The following CDH4 variants were observed in gnomAD, a reference collection of about 807,000 sequenced individuals.
CDH4 encodes the protein cadherin 4.
In CDH4, 33 loss-of-function variants were observed where a neutral mutation model predicts 86.0. The observed-to-expected ratio is 0.38, with a 90% CI of 0.29 to 0.51. The LOEUF (loss-of-function observed/expected upper bound fraction) is 0.51. Among genes scored for constraint, CDH4 ranks in the 20% least tolerant of loss-of-function variants. The pLI, the probability that CDH4 is intolerant of heterozygous loss-of-function variation, is 0.86. For synonymous variants in CDH4, 555 were observed against 549.4 expected (o/e 1.01, Z -0.14); for missense variants, 1,114 against 1,307.4 (o/e 0.85, Z 2.28).
At chr20:61,801,661 C>A (rs1024446962) in intron 4 of CDH4, among the ~76,000 whole-genome samples, 2 of 146,314 alleles carry the variant, frequency 1.4e-5, no homozygotes, top group African/African-American at 2.6e-5. Flanking sequence ...CCATCTCCTG[C>A]CCTTTCCCGT....
intron 2 of CDH4, among the ~76,000 whole-genome samples, chr20:61,255,157 T>C (rs1436277525): frequency 6.6e-6 from 1 of 152,222 alleles, no homozygotes; most frequent in Non-Finnish European, 1.5e-5. Flanking sequence ...AATCATTTCC[T>C]GGGCAGCAAA....
At chr20:61,365,831 G>T (rs1227754822) in intron 2 of CDH4, among the ~76,000 whole-genome samples, 2 of 152,196 alleles carry the variant, frequency 1.3e-5, no homozygotes, top group Admixed American at 1.3e-4. Flanking sequence ...AATAGGATTT[G>T]CAGATAGTGT....
chr20:61,801,312 C>T (rs984586707), intron 4 of CDH4, among the ~76,000 whole-genome samples: 10 of 152,102 alleles, frequency 6.6e-5, no homozygotes, highest in Non-Finnish European at 1.5e-5. Flanking sequence ...TGTCCAGCCG[C>T]ATCAGCCAAG....
chr20:61,910,463 C>T lies in CDH4; in HGVS notation c.1230C>T (p.Val410=), dbSNP rs555959239. ...EVPENRVETV[V]ANLTVMDRDQ... is the part of the protein sequence containing the mutation. Reference sequence around the variant, plus strand: ...CCGAAAACCGCGTGGAGACCGTGGTCGCAAACCTCACGGTGATGGACCGAG... The same window carrying T: ...CCGAAAACCGCGTGGAGACCGTGGTTGCAAACCTCACGGTGATGGACCGAG... The change falls in exon 9 of 16, where the codon GTC becomes GTT. Residue 410 remains valine (V), a synonymous_variant. Transcript: ENST00000614565. 41 of 1,613,874 alleles carry T rather than the reference C, an allele frequency of 2.5e-5. No homozygotes were observed. Among genetic ancestry groups the T allele is most frequent in the Admixed American group, 5.0e-5 (3 of 60,024 alleles).
At chr20:61,885,877 T>G (rs1255441560) in intron 7 of CDH4, among the ~76,000 whole-genome samples, 1 of 152,142 alleles carries the variant, frequency 6.6e-6, no homozygotes, top group Non-Finnish European at 1.5e-5. Context: ...GGATGGAGGT[T>G]CCAGCAGTGA....
intron 2 of CDH4, among the ~76,000 whole-genome samples, chr20:61,374,263 G>A (rs2084854987): frequency 6.6e-6 from 1 of 152,156 alleles, no homozygotes; most frequent in African/African-American, 2.4e-5. Context: ...CGTGAAGCTG[G>A]ACCAGGGGCC....
Position 61,829,142 on chromosome 20 carries a change from C to T in CDH4, c.577-15526C>T, listed in dbSNP as rs1981465484. On this transcript the variant is annotated intron_variant, in intron 4 of 15. Transcript: ENST00000614565. This position sits in a 1 kb window ranked among gnomAD's most constrained non-coding sequence, Gnocchi z 4.2. ...CACAGACCGGTACCGGGTTGGGGAC[C>T]CTGCTTTAAGCAGTCGCTTCTCCTT... Among the ~76,000 whole-genome samples the T allele has an allele frequency of 6.6e-6, 1 of 152,214 alleles. No individual in the cohort carries two copies. Among genetic ancestry groups the T allele is most frequent in the Non-Finnish European group, 1.5e-5 (1 of 68,038 alleles).
In CDH4 at chr20:61,811,813, A is replaced by G. The variant is rs1181956367; in HGVS notation, c.577-32855A>G. The stretch of plus-strand genomic sequence containing the variant: ...CAGCCTCCCATGTAGCTGGTACTAC[A>G]GGCACACGTCACCATGCCCGGTTAA... On this transcript the variant is annotated intron_variant, in intron 4 of 15. Transcript: ENST00000614565. The surrounding 1 kb of genome is among the most constrained non-coding windows in gnomAD (Gnocchi z 4.4). Among the ~76,000 whole-genome samples the G allele has an allele frequency of 6.6e-6, 1 of 151,746 alleles. No homozygotes were observed. The highest frequency in any genetic ancestry group is 2.4e-5 in the African/African-American group (1 of 41,284).
chr20:61,662,872 C>T (rs938170999), intron 2 of CDH4, among the ~76,000 whole-genome samples: 4 of 150,894 alleles, frequency 2.7e-5, no homozygotes, highest in Non-Finnish European at 4.4e-5. Context: ...AGGGTAGAGC[C>T]GGTGGTGCAG....
chr20:61,883,955 G>A (rs1164726174), intron 7 of CDH4, among the ~76,000 whole-genome samples: 1 of 152,178 alleles, frequency 6.6e-6, no homozygotes, highest in Non-Finnish European at 1.5e-5. Context: ...CCCCCGTGTG[G>A]TGGGTTTTGT....
chr20:61,755,962 C>G (rs534820858), intron 3 of CDH4, among the ~76,000 whole-genome samples: 2 of 152,324 alleles, frequency 1.3e-5, no homozygotes, highest in East Asian at 3.9e-4. Context: ...ATGCGGCCAC[C>G]CAACTGCATC....
At chr20:61,863,311 C>T (rs532506103) in intron 6 of CDH4, among the ~76,000 whole-genome samples, 143 of 152,274 alleles carry the variant, frequency 9.4e-4, no homozygotes, top group African/African-American at 3.4e-3. Context: ...TGTCCCAACT[C>T]GCTGCTTCCT....
chr20:61,706,814 A>C (rs551864376), intron 2 of CDH4, among the ~76,000 whole-genome samples: 15 of 152,176 alleles, frequency 9.9e-5, no homozygotes, highest in Non-Finnish European at 1.6e-4. Flanking sequence ...AACCGGAATG[A>C]GTCATGTGAC....
At chr20:61,354,185 C>G (rs904733823) in intron 2 of CDH4, among the ~76,000 whole-genome samples, 1 of 152,082 alleles carries the variant, frequency 6.6e-6, no homozygotes, top group Non-Finnish European at 1.5e-5. Context: ...CCCCACCCCC[C>G]AGAGGCCCAA....
At chr20:61,313,491 G>A (rs1052792022) in intron 2 of CDH4, among the ~76,000 whole-genome samples, 5 of 152,136 alleles carry the variant, frequency 3.3e-5, no homozygotes, top group African/African-American at 9.7e-5. Flanking sequence ...AAACCCTGTC[G>A]GGAAGCCACC....
intron 4 of CDH4, among the ~76,000 whole-genome samples, chr20:61,781,593 G>A (rs1486025303): frequency 6.6e-6 from 1 of 152,226 alleles, no homozygotes; most frequent in Non-Finnish European, 1.5e-5. Context: ...GCCTGAAGAA[G>A]GAGGAGAAGT....
At chr20:61,253,963 C>T (rs1486472902) in intron 1 of CDH4, among the ~76,000 whole-genome samples, 1 of 152,228 alleles carries the variant, frequency 6.6e-6, no homozygotes, top group Non-Finnish European at 1.5e-5. Flanking sequence ...TTCCCGCTTG[C>T]ACACACTGCC....
intron 2 of CDH4, among the ~76,000 whole-genome samples, chr20:61,686,934 A>G (rs1330721622): frequency 2.0e-5 from 3 of 151,460 alleles, no homozygotes; most frequent in African/African-American, 7.3e-5. Context: ...CCTCCAAACC[A>G]ACCCCCGCCC....
At chr20:61,545,433 G>T (rs1198596282) in intron 2 of CDH4, among the ~76,000 whole-genome samples, 1 of 152,216 alleles carries the variant, frequency 6.6e-6, no homozygotes, top group Non-Finnish European at 1.5e-5. Flanking sequence ...TCTGTCACGG[G>T]AAGGACGCTG....
Sources: gnomAD v4.1 joint callset for allele counts (sites outside exome capture counted in the v4.1 genomes callset) on GRCh38, gnomAD v4.1.1 for gene constraint, Gnocchi (gnomAD v3.1) non-coding constraint, MANE v1.5 for transcripts, NCBI Gene and HGNC (gene_info 2026-07-23, HGNC 2026-07-21) for gene names.